MINDY2: variants seen among roughly 807,000 people sequenced by gnomAD.
MINDY2 encodes ubiquitin carboxyl-terminal hydrolase MINDY-2.
Under a neutral mutation model 68.2 loss-of-function variants are expected in MINDY2, and 52 were observed. The observed-to-expected ratio is 0.76, with a 90% CI of 0.61 to 0.96. The LOEUF (loss-of-function observed/expected upper bound fraction) is 0.96. Among genes scored for constraint, MINDY2 ranks in the 40% least tolerant of loss-of-function variants. The pLI is 0.00. For missense variants in MINDY2, 881 were observed against 773.4 expected (o/e 1.14, Z -1.65); for synonymous variants, 372 against 303.0 (o/e 1.23, Z -2.36).
chr15:58,806,908 T>A (rs1400374998), intron 3 of MINDY2, among the ~76,000 whole-genome samples: 1 of 152,218 alleles, frequency 6.6e-6, no homozygotes, highest in African/African-American at 2.4e-5. Flanking sequence ...GTAGAAGAGA[T>A]GAAACTGACA....
intron 6 of MINDY2, among the ~76,000 whole-genome samples, chr15:58,841,346 T>C (rs1169435559): frequency 2.6e-5 from 4 of 152,048 alleles, no homozygotes; most frequent in African/African-American, 9.7e-5. Context: ...CTTACGGCTA[T>C]AATCCCAACA....
intron 4 of MINDY2, among the ~76,000 whole-genome samples, chr15:58,810,907 C>T (rs2030195571): frequency 6.6e-6 from 1 of 152,206 alleles, no homozygotes; most frequent in African/African-American, 2.4e-5. Flanking sequence ...GCTGCCAATC[C>T]TGGAAGTTCA....
chr15:58,835,688 G>T (rs1462059628), intron 6 of MINDY2, among the ~76,000 whole-genome samples: 1 of 152,000 alleles, frequency 6.6e-6, no homozygotes, highest in Non-Finnish European at 1.5e-5. Context: ...AAAATAAAAT[G>T]ATACCTAAAA....
chr15:58,824,326 ACAT>A (rs2031254544), intron 5 of MINDY2, among the ~76,000 whole-genome samples: 1 of 152,198 alleles, frequency 6.6e-6, no homozygotes, highest in Non-Finnish European at 1.5e-5. Flanking sequence ...TTTAGGAAGA[ACAT>A]CATGGTGAAA....
chr15:58,802,288 T>G (rs758471510), intron 2 of MINDY2, 25 bp from the exon 3 acceptor site: 2 of 1,499,758 alleles, frequency 1.3e-6, no homozygotes, highest in East Asian at 2.3e-5. Flanking sequence ...AAGGCAATTT[T>G]ACAATTCTTT....
intron 1 of MINDY2, among the ~76,000 whole-genome samples, chr15:58,781,027 A>G (rs1224559233): frequency 2.0e-5 from 3 of 152,044 alleles, no homozygotes; most frequent in African/African-American, 7.2e-5. Context: ...GTGAATTCTG[A>G]ATGGAAGATG....
At chr15:58,780,734 G>C (rs1051877004) in intron 1 of MINDY2, among the ~76,000 whole-genome samples, 11 of 152,246 alleles carry the variant, frequency 7.2e-5, no homozygotes, top group Non-Finnish European at 5.9e-5. Context: ...TCTAGTTTCA[G>C]AGTCTCTTTG....
At chr15:58,846,999 T>C (rs1332329745) in intron 6 of MINDY2, among the ~76,000 whole-genome samples, 1 of 152,202 alleles carries the variant, frequency 6.6e-6, no homozygotes, top group Non-Finnish European at 1.5e-5. Context: ...TTTTTCTATT[T>C]TGTGAAATGA....
chr15:58,848,409 C>A (rs1367818312), intron 7 of MINDY2, among the ~76,000 whole-genome samples: 1 of 152,076 alleles, frequency 6.6e-6, no homozygotes, highest in African/African-American at 2.4e-5. Flanking sequence ...GTTATATGTT[C>A]TATAATGGCA....
intron 8 of MINDY2, among the ~76,000 whole-genome samples, chr15:58,852,922 GTTTTTTTTTTTTTT>G (rs746154698): frequency 8.2e-4 from 40 of 48,940 alleles, no homozygotes; most frequent in Non-Finnish European, 1.2e-3. Flanking sequence ...TGCTGTTCCT[GTTTTTTTTTTTTTT>G]TTTTTTTTTT....
chr15:58,776,953 A>C (rs1434073826), intron 1 of MINDY2, among the ~76,000 whole-genome samples: 2 of 152,230 alleles, frequency 1.3e-5, no homozygotes, highest in Non-Finnish European at 2.9e-5. Flanking sequence ...ACTAATAAGT[A>C]GTAACTATTG....
intron 6 of MINDY2, among the ~76,000 whole-genome samples, chr15:58,843,282 TGA>T (rs771965796): frequency 3.3e-4 from 50 of 152,228 alleles, no homozygotes; most frequent in Admixed American, 6.5e-4. Flanking sequence ...CCTGAGTAGC[TGA>T]GACTACAGGC....
intron 1 of MINDY2, among the ~76,000 whole-genome samples, chr15:58,784,543 ATTTT>A (rs1424451604): frequency 6.7e-6 from 1 of 148,610 alleles, no homozygotes; most frequent in Non-Finnish European, 1.5e-5. Context: ...GTACTTATTT[ATTTT>A]ATGTTGTAGA....
chr15:58,852,716 A>G (rs1297344431), intron 8 of MINDY2, among the ~76,000 whole-genome samples: 2 of 152,094 alleles, frequency 1.3e-5, no homozygotes, highest in Non-Finnish European at 2.9e-5. Context: ...TGTTGTGAAG[A>G]ACAAATAATA....
chr15:58,806,492 G>C (rs1293595094), intron 3 of MINDY2, among the ~76,000 whole-genome samples: 1 of 151,698 alleles, frequency 6.6e-6, no homozygotes, highest in Non-Finnish European at 1.5e-5. Context: ...CAAAGTGCTG[G>C]GATTACAGTC....
At chr15:58,837,968 C>CAAAAAAAAAAAAAAAAAAAAAAATAA in intron 6 of MINDY2, among the ~76,000 whole-genome samples, 1 of 75,124 alleles carries the variant, frequency 1.3e-5, no homozygotes, top group Non-Finnish European at 2.8e-5. Context: ...GACCTTCTTT[C>CAAAAAAAAAAAAAAAAAAAAAAATAA]AAAAAAAAAA....
chr15:58,781,818 C>G (rs1567038483), intron 1 of MINDY2, among the ~76,000 whole-genome samples: 1 of 152,010 alleles, frequency 6.6e-6, no homozygotes, highest in African/African-American at 2.4e-5. Flanking sequence ...CAGAGAATTG[C>G]TTGAACCCAG....
chr15:58,861,496 G>C lies in MINDY2; in HGVS notation c.*6886G>C, dbSNP rs2033216717. On this transcript the variant is annotated 3_prime_UTR_variant, in exon 9 of 9. Coordinates refer to ENST00000559228, the MANE Select transcript of MINDY2 (RefSeq NM_001040450.3). Reference sequence around the variant, plus strand: ...AACAACCCTAGAGATTCATAGGAAAGAGCATTGAAATACATTTTTTGCATA... The same window carrying C: ...AACAACCCTAGAGATTCATAGGAAACAGCATTGAAATACATTTTTTGCATA... 6.6e-6 allele frequency: 1 copy of C among 152,138 alleles called. No individual in the cohort carries two copies. Among genetic ancestry groups the C allele is most frequent in the African/African-American group, 2.4e-5 (1 of 41,430 alleles). 9.4% of individuals were successfully genotyped at this position (152,138 alleles called of 1,614,324 possible).
intron 1 of MINDY2, among the ~76,000 whole-genome samples, 183 bp from the exon 2 acceptor site, chr15:58,787,723 C>T (rs1433340041): frequency 8.2e-6 from 1 of 122,086 alleles, no homozygotes; most frequent in African/African-American, 3.3e-5. Context: ...GGCAACAGAG[C>T]GAGAGTCCGT....
Sources: gnomAD v4.1 joint callset for allele counts (sites outside exome capture counted in the v4.1 genomes callset) on GRCh38, gnomAD v4.1.1 for gene constraint, MANE v1.5 for transcripts, NCBI Gene and HGNC (gene_info 2026-07-23, HGNC 2026-07-21) for gene names.